The following GALNT18 variants were observed in gnomAD, a reference collection of about 807,000 sequenced individuals.
The protein encoded by GALNT18 is GalNAc-transferase 18.
In GALNT18, 44 loss-of-function variants were observed where a neutral mutation model predicts 69.5. That is an observed-to-expected ratio of 0.63 (90% confidence interval 0.50 to 0.81). The LOEUF is 0.81. Ranked by LOEUF, GALNT18 falls within the 40% of genes least tolerant of loss-of-function variation. The pLI is 0.00. For synonymous variants in GALNT18, 364 were observed against 318.2 expected, an observed-to-expected ratio of 1.14 and a Z score of -1.53; for missense variants, 715 against 810.0, an observed-to-expected ratio of 0.88 and a Z score of 1.42.
At chr11:11,429,480 C>T (rs1048810237) in intron 3 of GALNT18, among the ~76,000 whole-genome samples, 1 of 152,320 alleles carries the variant, frequency 6.6e-6, no homozygotes, top group East Asian at 1.9e-4. Context: ...GGGCTCCCGC[C>T]GTGCAGTTTG....
At chr11:11,346,658 G>T (rs1318031881) in intron 6 of GALNT18, among the ~76,000 whole-genome samples, 1 of 152,192 alleles carries the variant, frequency 6.6e-6, no homozygotes, top group African/African-American at 2.4e-5. Context: ...AAAATGCTCA[G>T]ATATGCCTAC....
chr11:11,389,445 G>A lies in GALNT18; in HGVS notation c.596-10181C>T, dbSNP rs1254365235. Among the ~76,000 whole-genome samples, 5 of 152,210 alleles carry A rather than the reference G, an allele frequency of 3.3e-5. No individual in the cohort carries two copies. In the East Asian group the frequency reaches 9.6e-4, roughly 29 times the overall value. On this transcript the variant is annotated intron_variant, in intron 3 of 10. Transcript: ENST00000227756. This position sits in a 1 kb window ranked among gnomAD's most constrained non-coding sequence, Gnocchi z 4.3. ...GCCACCTCGCCTTTGTACTTCCTGGGGCTGTGTGAGGAGGAAAATCCTGTA... is the reference window on the plus strand; with the variant it reads ...GCCACCTCGCCTTTGTACTTCCTGGAGCTGTGTGAGGAGGAAAATCCTGTA...
At chr11:11,345,821 G>T (rs1850292354) in intron 6 of GALNT18, among the ~76,000 whole-genome samples, 1 of 152,122 alleles carries the variant, frequency 6.6e-6, no homozygotes, top group Admixed American at 6.5e-5. Context: ...GGCAGGTGTG[G>T]TCGCAGGGAA....
At chr11:11,593,857 T>C (rs1859422983) in intron 1 of GALNT18, among the ~76,000 whole-genome samples, 1 of 152,216 alleles carries the variant, frequency 6.6e-6, no homozygotes, top group Non-Finnish European at 1.5e-5. Context: ...GAACATAAAA[T>C]TTTCATATGA....
intron 1 of GALNT18, among the ~76,000 whole-genome samples, chr11:11,569,318 T>C (rs7121658): frequency 0.82 from 123,747 of 151,548 alleles, 50,574 homozygotes; most frequent in East Asian, 0.88. Flanking sequence ...TTTCTACTTG[T>C]GGTTTATCTT....
chr11:11,345,574 C>T (rs989619892), intron 6 of GALNT18, among the ~76,000 whole-genome samples: 6 of 151,914 alleles, frequency 3.9e-5, no homozygotes, highest in Admixed American at 3.3e-4. Context: ...GGGCCTGGCA[C>T]ATTAAATGTC....
chr11:11,472,602 A>T (rs955905178), intron 1 of GALNT18, among the ~76,000 whole-genome samples: 5 of 148,778 alleles, frequency 3.4e-5, no homozygotes, highest in African/African-American at 1.2e-4. Context: ...AAGATAGACC[A>T]GACTCTTATA....
chr11:11,282,486 G>A (rs190054308), intron 10 of GALNT18, among the ~76,000 whole-genome samples: 2 of 152,328 alleles, frequency 1.3e-5, no homozygotes, highest in East Asian at 1.9e-4. Context: ...AGAGAGGCTG[G>A]GAGACTTGTC....
In GALNT18 at chr11:11,584,966, T is replaced by G. The variant is rs369996959; in HGVS notation, c.235+36393A>C. 1.7e-4 allele frequency among the ~76,000 whole-genome samples: 26 copies of G among 152,316 alleles called. No homozygotes were observed. The East Asian group carries it at 4.8e-3, about 28-fold the overall frequency. On this transcript the variant is annotated intron_variant, in intron 1 of 10. Transcript: ENST00000227756. The surrounding 1 kb of genome is among the most constrained non-coding windows in gnomAD (Gnocchi z 4.1). The stretch of plus-strand genomic sequence containing the variant: ...TATGGAAAACTTGCCTCCACCACTA[T>G]GAGCTTGACGGCTTCCCAACACCTA...
chr11:11,414,994 C>G (rs897592425), intron 3 of GALNT18, among the ~76,000 whole-genome samples: 1 of 152,192 alleles, frequency 6.6e-6, no homozygotes, highest in Non-Finnish European at 1.5e-5. Flanking sequence ...TGGCACAATT[C>G]GTTTCCTCGC....
chr11:11,548,812 A>T (rs1457980872), intron 1 of GALNT18, among the ~76,000 whole-genome samples: 1 of 152,256 alleles, frequency 6.6e-6, no homozygotes, highest in African/African-American at 2.4e-5. Flanking sequence ...TGCTGATGGC[A>T]GAAAACTCAA....
At chr11:11,513,854 A>G (rs1857212353) in intron 1 of GALNT18, among the ~76,000 whole-genome samples, 1 of 152,176 alleles carries the variant, frequency 6.6e-6, no homozygotes. Flanking sequence ...TGGGACTGAA[A>G]TGTGTTTCTA....
At chr11:11,275,517 G>T (rs1238911149) in intron 10 of GALNT18, among the ~76,000 whole-genome samples, 1 of 152,196 alleles carries the variant, frequency 6.6e-6, no homozygotes, top group Non-Finnish European at 1.5e-5. Flanking sequence ...CTCTTGCTGT[G>T]CAGAAGCTCT....
At chr11:11,272,199 T>C (rs1198170715) in intron 10 of GALNT18, among the ~76,000 whole-genome samples, 1 of 152,244 alleles carries the variant, frequency 6.6e-6, no homozygotes, top group African/African-American at 2.4e-5. Flanking sequence ...GTCTCAGGTA[T>C]TTGTGTGAGA....
chr11:11,471,209 C>T (rs1856260504), intron 1 of GALNT18, among the ~76,000 whole-genome samples: 1 of 152,192 alleles, frequency 6.6e-6, no homozygotes, highest in Admixed American at 6.5e-5. Flanking sequence ...CTACCTCTCT[C>T]ATGGTTGCAG....
rs1366197748 is a variant in GALNT18, at chr11:11,430,461, C to A, written c.595+2160G>T. On this transcript the variant is annotated intron_variant, in intron 3 of 10. Coordinates refer to ENST00000227756, the MANE Select transcript of GALNT18 (RefSeq NM_198516.3). The surrounding 1 kb of genome is among the most constrained non-coding windows in gnomAD (Gnocchi z 4.9). ...ATACAGCTCGATGCAGTTGTGATGA[C>A]AAGTACAGCTTTGTGTAACCAACAC... is the stretch of plus-strand genomic sequence containing the variant. Among the ~76,000 whole-genome samples, 1 of 152,240 alleles carries A rather than the reference C, an allele frequency of 6.6e-6. No homozygotes were observed. Among genetic ancestry groups the A allele is most frequent in the Non-Finnish European group, 1.5e-5 (1 of 68,048 alleles).
In GALNT18 at chr11:11,583,865, A is replaced by G. The variant is rs1411871933; in HGVS notation, c.235+37494T>C. Among the ~76,000 whole-genome samples, 8 of 152,176 alleles carry G rather than the reference A, an allele frequency of 5.3e-5. No homozygotes were observed. Among genetic ancestry groups the G allele is most frequent in the African/African-American group, 1.4e-4 (6 of 41,434 alleles). The stretch of plus-strand genomic sequence containing the variant: ...GAAATAAAGAAATAGCCCTGTCTGC[A>G]AGGAGCAGATGATCTCAATATCATT... On this transcript the variant is annotated intron_variant, in intron 1 of 10. Coordinates refer to ENST00000227756, the MANE Select transcript of GALNT18 (RefSeq NM_198516.3). This position sits in a 1 kb window ranked among gnomAD's most constrained non-coding sequence, Gnocchi z 4.7.
chr11:11,543,602 G>A lies in GALNT18; in HGVS notation c.235+77757C>T, dbSNP rs577547308. Among the ~76,000 whole-genome samples, 35 of 152,314 alleles carry A rather than the reference G, an allele frequency of 2.3e-4. No homozygotes were observed. Among genetic ancestry groups the A allele is most frequent in the Non-Finnish European group, 3.1e-4 (21 of 68,032 alleles). On this transcript the variant is annotated intron_variant, in intron 1 of 10. Transcript: ENST00000227756. The surrounding 1 kb of genome is among the most constrained non-coding windows in gnomAD (Gnocchi z 5.1). ...GGGGAAGGGCAGGGCTGCATGGAAC[G>A]GCAGAAAGGGCCTGGCTTCAGTGCC... is the stretch of plus-strand genomic sequence containing the variant.
At chr11:11,467,343 G>T (rs528487146) in intron 1 of GALNT18, among the ~76,000 whole-genome samples, 1 of 152,198 alleles carries the variant, frequency 6.6e-6, no homozygotes, top group Admixed American at 6.5e-5. Context: ...CACTGGTTCC[G>T]CTGCAGCTGC....
Sources: allele counts gnomAD v4.1 joint callset (sites outside exome capture counted in the v4.1 genomes callset), GRCh38; gene constraint gnomAD v4.1.1; non-coding constraint Gnocchi (gnomAD v3.1); transcripts MANE v1.5; gene names NCBI Gene and HGNC (gene_info 2026-07-23, HGNC 2026-07-21).